Variants in LCORL observed in about 807,000 individuals in gnomAD.
LCORL encodes the protein ligand dependent nuclear receptor corepressor like, also known as ligand-dependent nuclear receptor corepressor-like protein.
A neutral mutation model predicts 141.8 loss-of-function variants in LCORL; 41 were observed. That is an observed-to-expected ratio of 0.29 (90% confidence interval 0.23 to 0.38). LCORL has a LOEUF of 0.38. Among genes scored for constraint, LCORL ranks in the 10% least tolerant of loss-of-function variants. The pLI is 1.00. For missense variants in LCORL, 1,759 were observed against 2,035.0 expected, an observed-to-expected ratio of 0.86 and a Z score of 2.61; for synonymous variants, 618 against 694.1, an observed-to-expected ratio of 0.89 and a Z score of 1.72.
intron 1 of LCORL, among the ~76,000 whole-genome samples, chr4:17,990,300 C>T (rs1719757747): frequency 6.6e-6 from 1 of 151,918 alleles, no homozygotes; most frequent in Non-Finnish European, 1.5e-5. Flanking sequence ...GGGGTTTCAC[C>T]ATGTTTGCCA....
At chr4:17,898,005 C>A (rs940962813) in intron 5 of LCORL, among the ~76,000 whole-genome samples, 1 of 152,110 alleles carries the variant, frequency 6.6e-6, no homozygotes. Context: ...GTTTGCACTG[C>A]GTTTCCAATC....
chr4:17,876,440 G>C (rs375916269), exon 7 of LCORL: 36 of 1,230,698 alleles, frequency 2.9e-5, no homozygotes, highest in Admixed American at 1.7e-4. Flanking sequence ...GATTATTCCA[G>C]GATTTTTTGG....
intron 1 of LCORL, among the ~76,000 whole-genome samples, chr4:18,010,140 T>C (rs192159291): frequency 9.1e-4 from 138 of 152,320 alleles, no homozygotes; most frequent in African/African-American, 3.2e-3. Context: ...TAAACAGTGC[T>C]CTATTCTTTT....
chr4:17,905,878 G>A (rs2109313742), intron 5 of LCORL, among the ~76,000 whole-genome samples: 2 of 152,178 alleles, frequency 1.3e-5, no homozygotes, highest in South Asian at 4.2e-4. Flanking sequence ...GCTATCACTA[G>A]TATGAGCTCT....
chr4:17,893,466 A>G, intron 5 of LCORL: 1 of 985,356 alleles, frequency 1.0e-6, no homozygotes, highest in Non-Finnish European at 1.2e-6. Flanking sequence ...TACAGAGGAT[A>G]TATATCTCAT....
Position 17,897,213 on chromosome 4 carries a change from CTTTTT to C in LCORL, c.683-11057_683-11053del, listed in dbSNP as rs761784734. Among the ~76,000 whole-genome samples, 25 of 63,986 alleles carry C rather than the reference CTTTTT, an allele frequency of 3.9e-4. 5 individuals are homozygous for C. The highest frequency in any genetic ancestry group is 1.1e-3 in the African/African-American group (19 of 17,324). 42.0% of individuals were successfully genotyped at this position (63,986 alleles called of 152,430 possible). The stretch of plus-strand genomic sequence containing the variant: ...AGACTTCTCTTTGATATACTGATTT[CTTTTT>C]TTTTTTTTTTTTTTTTTTTTTTTTT... On this transcript the variant is annotated intron_variant, in intron 5 of 7. Coordinates refer to ENST00000635767, the Ensembl canonical transcript of LCORL.
intron 7 of LCORL, among the ~76,000 whole-genome samples, chr4:17,863,114 G>C (rs1178905649): frequency 1.3e-5 from 2 of 152,164 alleles, no homozygotes; most frequent in African/African-American, 4.8e-5. Flanking sequence ...TCAGGAGTTC[G>C]AGACCAGCCC....
chr4:17,912,211 C>A, intron 4 of LCORL: 1 of 772,178 alleles, frequency 1.3e-6, no homozygotes. Flanking sequence ...TGAGACAAAG[C>A]TGGCCGTGCG....
exon 7 of LCORL, chr4:17,874,676 T>C: frequency 8.1e-7 from 1 of 1,233,858 alleles, no homozygotes; most frequent in Non-Finnish European, 1.0e-6. Flanking sequence ...TATTGTTTAA[T>C]TCCTCTAATA....
At chr4:17,990,837 G>T (rs763127519) in intron 1 of LCORL, among the ~76,000 whole-genome samples, 8 of 151,982 alleles carry the variant, frequency 5.3e-5, no homozygotes, top group Non-Finnish European at 1.2e-4. Flanking sequence ...AGCCACCAGT[G>T]AATGTGGAAA....
chr4:17,861,200 C>T (rs1724970460), intron 7 of LCORL, among the ~76,000 whole-genome samples: 1 of 152,236 alleles, frequency 6.6e-6, no homozygotes, highest in South Asian at 2.1e-4. Flanking sequence ...TCCATGAGGG[C>T]CCTGCCCCTG....
chr4:17,921,573 G>C (rs79091603), intron 4 of LCORL, among the ~76,000 whole-genome samples: 28 of 152,160 alleles, frequency 1.8e-4, no homozygotes, highest in African/African-American at 6.8e-4. Context: ...AGAGCTCTTA[G>C]GTAATCAAGT....
intron 5 of LCORL, among the ~76,000 whole-genome samples, chr4:17,906,308 A>G (rs1362875934): frequency 2.0e-5 from 3 of 152,180 alleles, no homozygotes; most frequent in Non-Finnish European, 4.4e-5. Context: ...TCAGTCTGGT[A>G]GCTTTCTATG....
At chr4:17,885,956 A>C (rs1029065458) in intron 6 of LCORL, 112 bp downstream of exon 6, 12 of 476,368 alleles carry the variant, frequency 2.5e-5, no homozygotes, top group East Asian at 2.1e-4. Flanking sequence ...ATGAGTGACA[A>C]AAATTCTGGA....
chr4:17,849,436 C>A (rs1057305243), intron 7 of LCORL, among the ~76,000 whole-genome samples: 5 of 152,188 alleles, frequency 3.3e-5, no homozygotes, highest in African/African-American at 1.2e-4. Context: ...GGACCTCTAG[C>A]AAACTCCAAC....
chr4:17,953,876 T>C (rs1217526903), intron 4 of LCORL, among the ~76,000 whole-genome samples: 2 of 152,102 alleles, frequency 1.3e-5, no homozygotes, highest in African/African-American at 4.8e-5. Context: ...ATAAAAATAA[T>C]GTGAGGGCCA....
intron 2 of LCORL, among the ~76,000 whole-genome samples, chr4:17,967,231 T>C (rs956909497): frequency 6.6e-6 from 1 of 152,112 alleles, no homozygotes; most frequent in African/African-American, 2.4e-5. Context: ...ATAAAAAAAT[T>C]AGTGTTTGCC....
chr4:17,874,648 T>C, exon 7 of LCORL: 1 of 1,233,758 alleles, frequency 8.1e-7, no homozygotes, highest in Non-Finnish European at 1.0e-6. Context: ...ACCCAAGCAT[T>C]TGTTATTTGC....
At chr4:17,853,139 G>A (rs560833945) in intron 7 of LCORL, among the ~76,000 whole-genome samples, 11 of 146,536 alleles carry the variant, frequency 7.5e-5, no homozygotes, top group African/African-American at 1.8e-4. Context: ...ACTTACCCAA[G>A]CCACATAACT....
Sources: gnomAD v4.1 joint callset for allele counts (sites outside exome capture counted in the v4.1 genomes callset) on GRCh38, gnomAD v4.1.1 for gene constraint, MANE v1.5 for transcripts, NCBI Gene and HGNC (gene_info 2026-07-23, HGNC 2026-07-21) for gene names.